DDR2: variants seen among roughly 807,000 people sequenced by gnomAD.
DDR2 encodes the protein discoidin domain-containing receptor 2.
DDR2 carries 27 observed loss-of-function variants against 94.9 expected under a neutral mutation model. The observed-to-expected ratio is 0.28, with a 90% CI of 0.21 to 0.39. The LOEUF (loss-of-function observed/expected upper bound fraction) is 0.39, where lower values mean the gene tolerates loss of function less well. Among genes scored for constraint, DDR2 ranks in the 10% least tolerant of loss-of-function variants. The pLI is 1.00. For missense variants in DDR2, 783 were observed against 1,076.0 expected, an observed-to-expected ratio of 0.73 and a Z score of 3.81; for synonymous variants, 382 against 377.2, an observed-to-expected ratio of 1.01 and a Z score of -0.15.
At chr1:162,636,378 T>A (rs567764946) in intron 1 of DDR2, among the ~76,000 whole-genome samples, 22 of 152,314 alleles carry the variant, frequency 1.4e-4, no homozygotes, top group African/African-American at 5.1e-4. Flanking sequence ...GCTGGGCTTC[T>A]CCTGGAAATT....
At chr1:162,778,336 A>G (rs1647703609) in intron 16 of DDR2, among the ~76,000 whole-genome samples, 1 of 152,168 alleles carries the variant, frequency 6.6e-6, no homozygotes, top group Admixed American at 6.5e-5. Context: ...TCAGTTGCAG[A>G]GTCAAATAGC....
rs193281217 is a variant in DDR2, at chr1:162,747,906, C to T, written c.83-5189C>T. ...TTTCATATCCAGCCAAACTAAGCTT[C>T]ATAAGTGAAGGAGAAATAAAATCCT... On this transcript the variant is annotated intron_variant, in intron 3 of 17. Transcript: ENST00000367921. 2.6e-5 allele frequency among the ~76,000 whole-genome samples: 4 copies of T among 152,246 alleles called. No individual in the cohort carries two copies. In the East Asian group the frequency reaches 7.7e-4, roughly 29 times the overall value.
At chr1:162,767,099 T>C in intron 10 of DDR2, 130 bp from the exon 11 acceptor site, 5 of 1,292,852 alleles carry the variant, frequency 3.9e-6, no homozygotes, top group Non-Finnish European at 5.5e-6. Context: ...TAAGCAGAAG[T>C]ATTAAGGTGG....
At position 162,776,255 on chromosome 1, in the gene DDR2, C is replaced by T. The variant is rs1647544674; in HGVS notation, c.2168C>T (p.Thr723Ile). 2 of 1,613,920 alleles carry T rather than the reference C, an allele frequency of 1.2e-6. No homozygotes were observed. The highest frequency in any genetic ancestry group is 3.3e-4 in the Middle Eastern group (2 of 6,062). ...TRNCLVGKNY[T>I]IKIADFGMSR... ...AACTGTTTAGTGGGTAAGAACTACA[C>T]AATCAAGATAGCTGACTTTGGAATG... The change falls in exon 16 of 18, where the codon ACA (threonine) becomes ATA (isoleucine). Residue 723 changes from threonine (T) to isoleucine (I), a missense_variant. Coordinates refer to ENST00000367921, the MANE Select transcript of DDR2 (RefSeq NM_006182.4).
intron 2 of DDR2, among the ~76,000 whole-genome samples, chr1:162,688,593 C>A (rs1194409683): frequency 6.6e-6 from 1 of 152,182 alleles, no homozygotes; most frequent in Non-Finnish European, 1.5e-5. Flanking sequence ...TTAAGCTCTG[C>A]TAGTTGAAGA....
At chr1:162,680,361 G>C (rs1659343494) in intron 2 of DDR2, among the ~76,000 whole-genome samples, 1 of 152,202 alleles carries the variant, frequency 6.6e-6, no homozygotes, top group Non-Finnish European at 1.5e-5. Context: ...TGGCTAGCCA[G>C]CTATCTCAAT....
intron 3 of DDR2, among the ~76,000 whole-genome samples, chr1:162,744,990 T>C (rs764465390): frequency 2.6e-5 from 4 of 152,228 alleles, no homozygotes; most frequent in Non-Finnish European, 4.4e-5. Context: ...TCTACATCCT[T>C]GCCAACATTT....
intron 2 of DDR2, among the ~76,000 whole-genome samples, chr1:162,687,025 GC>G (rs1659720200): frequency 6.6e-6 from 1 of 152,208 alleles, no homozygotes; most frequent in African/African-American, 2.4e-5. Context: ...TTTGGTTGGG[GC>G]TCAGGAGGGC....
intron 2 of DDR2, among the ~76,000 whole-genome samples, chr1:162,694,059 A>G (rs1660075137): frequency 6.6e-6 from 1 of 152,164 alleles, no homozygotes; most frequent in Non-Finnish European, 1.5e-5. Context: ...TATTTTTAGT[A>G]GAGATGGGGT....
At chr1:162,770,276 C>A in intron 11 of DDR2, 26 bp from the exon 12 acceptor site, 1 of 1,611,038 alleles carries the variant, frequency 6.2e-7, no homozygotes, top group Non-Finnish European at 8.5e-7. Context: ...TGCCAACATG[C>A]CTTTCTCCTT....
intron 11 of DDR2, among the ~76,000 whole-genome samples, chr1:162,769,886 A>T (rs1664180874): frequency 6.6e-6 from 1 of 152,324 alleles, no homozygotes; most frequent in South Asian, 2.1e-4. Context: ...ATGTTATAGC[A>T]CATGCATTAA....
At chr1:162,774,800 G>A (rs1647435710) in intron 14 of DDR2, among the ~76,000 whole-genome samples, 2 of 152,132 alleles carry the variant, frequency 1.3e-5, no homozygotes, top group Admixed American at 1.3e-4. Context: ...GGAAACCCCT[G>A]GTTTGAGACG....
intron 2 of DDR2, among the ~76,000 whole-genome samples, chr1:162,686,689 T>C (rs1041251729): frequency 6.6e-6 from 1 of 152,242 alleles, no homozygotes; most frequent in African/African-American, 2.4e-5. Context: ...CGTGTGCATG[T>C]GCCTTTATAG....
At chr1:162,668,599 T>C (rs1413563507) in intron 2 of DDR2, among the ~76,000 whole-genome samples, 2 of 152,188 alleles carry the variant, frequency 1.3e-5, no homozygotes, top group African/African-American at 4.8e-5. Context: ...GATGTTTACA[T>C]ACTCTTCATT....
Position 162,787,050 on chromosome 1 carries a change from A to G in DDR2, c.*6804A>G, listed in dbSNP as rs902677959. ...TAGAGATTAGAATGAAACGACCCCA[A>G]ACAACCCATTTCTTACCTGGTCTCT... On this transcript the variant is annotated 3_prime_UTR_variant, in exon 18 of 18. Transcript: ENST00000367921. 4 of 152,204 alleles carry G rather than the reference A, an allele frequency of 2.6e-5. No homozygotes were observed. Among genetic ancestry groups the G allele is most frequent in the Non-Finnish European group, 4.4e-5 (3 of 68,026 alleles). The allele number at this position is 152,204 out of a possible 1,614,324, so 9.4% of individuals were successfully genotyped here.
chr1:162,778,062 G>T (rs1046518257), intron 16 of DDR2: 2 of 175,118 alleles, frequency 1.1e-5, no homozygotes, highest in African/African-American at 4.8e-5. Context: ...ACTTCACAGT[G>T]TGGTTGTCTG....
chr1:162,757,780 A>G (rs888540023), intron 7 of DDR2, among the ~76,000 whole-genome samples: 4 of 152,148 alleles, frequency 2.6e-5, no homozygotes, highest in African/African-American at 9.7e-5. Flanking sequence ...CTGCCAAGTA[A>G]AAAGAATTAA....
intron 1 of DDR2, among the ~76,000 whole-genome samples, chr1:162,649,934 G>A (rs12083059): frequency 0.038 from 5,768 of 152,220 alleles, 378 homozygotes; most frequent in African/African-American, 0.13. Context: ...TTCTTCATCC[G>A]TAAAATAAGG....
chr1:162,664,472 A>T (rs926632759), intron 2 of DDR2, among the ~76,000 whole-genome samples: 8 of 152,290 alleles, frequency 5.3e-5, no homozygotes, highest in Non-Finnish European at 8.8e-5. Flanking sequence ...TGTACTAAAA[A>T]ACCCTAAATG....
Sources: gnomAD v4.1 joint callset for allele counts (sites outside exome capture counted in the v4.1 genomes callset) on GRCh38, gnomAD v4.1.1 for gene constraint, MANE v1.5 for transcripts, NCBI Gene and HGNC (gene_info 2026-07-23, HGNC 2026-07-21) for gene names.